Variants in CENPT observed in about 807,000 individuals in gnomAD.
The protein encoded by CENPT is interphase centromere complex protein 22.
Under a neutral mutation model 59.7 loss-of-function variants are expected in CENPT, and 42 were observed. The observed-to-expected ratio is 0.70, with a 90% CI of 0.55 to 0.91. The LOEUF is 0.91. CENPT is among the 40% of genes least tolerant of loss of function. CENPT has a pLI of 0.00. For missense variants in CENPT, 716 were observed against 713.4 expected, an observed-to-expected ratio of 1.00 and a Z score of -0.04; for synonymous variants, 295 against 289.6, an observed-to-expected ratio of 1.02 and a Z score of -0.19.
intron 1 of CENPT, 127 bp downstream of exon 1, chr16:67,847,274 C>G (rs1252147025): frequency 6.6e-6 from 1 of 152,234 alleles, no homozygotes; most frequent in Non-Finnish European, 1.5e-5. Context: ...GCCTTTTTCT[C>G]TAGTCAGGAC....
intron 3 of CENPT, among the ~76,000 whole-genome samples, chr16:67,834,945 G>A (rs552976574): frequency 2.0e-5 from 3 of 152,190 alleles, no homozygotes; most frequent in East Asian, 3.9e-4. Context: ...GGGTTCAAGC[G>A]ATTCTCCTGC....
rs61747726 is a variant in CENPT, at chr16:67,842,683, C to G, written c.-492+4718G>C. 25 of 1,583,376 alleles carry G rather than the reference C, an allele frequency of 1.6e-5. No individual in the cohort carries two copies. In the African/African-American group the frequency reaches 2.8e-4, roughly 18 times the overall value. On this transcript the variant is annotated intron_variant, in intron 1 of 15. Transcript: ENST00000562787. The surrounding 1 kb of genome is among the most constrained non-coding windows in gnomAD (Gnocchi z 4.9). ...TCTGGCTCAAGAACGTGTCGCGTGC[C>G]GGCGTCAGTGGGTGCTTCTCCACCT... is the stretch of plus-strand genomic sequence containing the variant.
At chr16:67,840,067 A>C (rs2057752149) in intron 1 of CENPT, among the ~76,000 whole-genome samples, 1 of 152,228 alleles carries the variant, frequency 6.6e-6, no homozygotes, top group Non-Finnish European at 1.5e-5. Context: ...CTGTAATCCC[A>C]GCACTTTGGG....
At chr16:67,845,622 C>G (rs1356183455) in intron 1 of CENPT, among the ~76,000 whole-genome samples, 1 of 152,230 alleles carries the variant, frequency 6.6e-6, no homozygotes, top group East Asian at 1.9e-4. Context: ...GGGACTTCTG[C>G]TGTTTCTGCA....
chr16:67,844,758 T>C (rs1287675430), intron 1 of CENPT, among the ~76,000 whole-genome samples: 4 of 151,780 alleles, frequency 2.6e-5, no homozygotes, highest in Admixed American at 2.0e-4. Context: ...ATTCCTTGAC[T>C]CATTTTCTTG....
In CENPT at chr16:67,836,128, C is replaced by T. The variant is rs143760196; in HGVS notation, c.-491-470G>A. ...GGGATGGAGTGCAGTGGCACAATCTCAGCTCACTGCAACCTCTGCCTCCCG... is the reference window on the plus strand; with the variant it reads ...GGGATGGAGTGCAGTGGCACAATCTTAGCTCACTGCAACCTCTGCCTCCCG... On this transcript the variant is annotated intron_variant, in intron 1 of 15. Transcript: ENST00000562787. Among the ~76,000 whole-genome samples, 834 of 152,028 alleles carry T rather than the reference C, an allele frequency of 5.5e-3. 8 individuals are homozygous for T. Among genetic ancestry groups the T allele is most frequent in the South Asian group, 0.014 (66 of 4,824 alleles).
At chr16:67,830,799 C>G in intron 10 of CENPT, 1 of 543,858 alleles carries the variant, frequency 1.8e-6, no homozygotes, top group Non-Finnish European at 3.2e-6. Context: ...TATAGCTGCC[C>G]GCCCACCAGC....
In CENPT at chr16:67,843,718, T is replaced by C. The variant is rs2057780345; in HGVS notation, c.-492+3683A>G. On this transcript the variant is annotated intron_variant, in intron 1 of 15. Coordinates refer to ENST00000562787, the MANE Select transcript of CENPT (RefSeq NM_025082.4). This position sits in a 1 kb window ranked among gnomAD's most constrained non-coding sequence, Gnocchi z 5.7. ...CCTGGTGACACCAGCAATTATGACT[T>C]TGTCTACCCTTCCTCCCCAGTTATT... The C allele has an allele frequency of 1.9e-6, 1 of 513,762 alleles. No homozygotes were observed. Among genetic ancestry groups the C allele is most frequent in the East Asian group, 3.3e-5 (1 of 30,680 alleles). 31.8% of individuals were successfully genotyped at this position (513,762 alleles called of 1,614,324 possible).
chr16:67,841,039 ATATATATT>A (rs1194628413), intron 1 of CENPT, among the ~76,000 whole-genome samples: 4 of 90,534 alleles, frequency 4.4e-5, no homozygotes, highest in African/African-American at 1.3e-4. Context: ...ATATATATAT[ATATATATT>A]AGCCGGGCAT....
chr16:67,841,665 A>C (rs1427489202), intron 1 of CENPT: 2 of 152,280 alleles, frequency 1.3e-5, no homozygotes, highest in Admixed American at 6.5e-5. Context: ...AGAGGAGCCC[A>C]GTCGGTCTGA....
rs1454383078 is a variant in CENPT, at chr16:67,831,578, G to A, written c.558C>T (p.Thr186=). The A allele has an allele frequency of 6.2e-7, 1 of 1,614,128 alleles. No individual in the cohort carries two copies. Among genetic ancestry groups the A allele is most frequent in the Non-Finnish European group, 8.5e-7 (1 of 1,179,994 alleles). The part of the protein sequence containing the change: ...PQGNADASSL[T]RSLNLTFATP... ...ACAGGAAACACCCAGAGCAGCACCT[G>A]GTGAGGGAAGAGGCATCAGCATTCC... is the stretch of plus-strand genomic sequence containing the variant. Residue 186 remains threonine, a splice_region_variant and synonymous_variant, in exon 9 of 16, where the codon ACC becomes ACT. Transcript: ENST00000562787.
At position 67,833,926 on chromosome 16, in the gene CENPT, T is replaced by C. The variant is rs2151286427; in HGVS notation, c.-67A>G. ...GGCTCCGCCTTCCCGCCGCCACAGT[T>C]AATGTAACTCTCGCGATGCTCCCGC... On this transcript the variant is annotated 5_prime_UTR_variant, in exon 4 of 16. Transcript: ENST00000562787. The C allele has an allele frequency of 5.7e-6, 6 of 1,056,258 alleles. No homozygotes were observed. The highest frequency in any genetic ancestry group is 6.5e-6 in the Non-Finnish European group (5 of 766,596). The allele number at this position is 1,056,258 out of a possible 1,614,324, so 65.4% of individuals were successfully genotyped here.
chr16:67,843,840 GA>G lies in CENPT; in HGVS notation c.-492+3560del. ...GGATGTCCAGGGACTATAGGTTTGGGAAAACCATACCTTAAGGTTGGTCAGC... is the reference window on the plus strand; with the variant it reads ...GGATGTCCAGGGACTATAGGTTTGGGAAACCATACCTTAAGGTTGGTCAGC... On this transcript the variant is annotated intron_variant, in intron 1 of 15. Transcript: ENST00000562787. This position sits in a 1 kb window ranked among gnomAD's most constrained non-coding sequence, Gnocchi z 5.7. The G allele has an allele frequency of 3.8e-6, 1 of 260,410 alleles. No individual in the cohort carries two copies. Among genetic ancestry groups the G allele is most frequent in the South Asian group, 7.7e-5 (1 of 13,026 alleles). The allele number at this position is 260,410 out of a possible 1,614,324, so 16.1% of individuals were successfully genotyped here. A position where few individuals can be genotyped will look rare whatever the true frequency, so the allele number is the denominator to read the frequency against.
chr16:67,845,728 G>A (rs2057793452), intron 1 of CENPT, among the ~76,000 whole-genome samples: 1 of 152,256 alleles, frequency 6.6e-6, no homozygotes, highest in South Asian at 2.1e-4. Context: ...GAAGAAGACA[G>A]TTCACAGAGC....
Position 67,833,776 on chromosome 16 carries a change from C to T in CENPT, c.84G>A (p.Pro28=). Residue 28 remains proline (P), a synonymous_variant, in exon 4 of 16, where the codon CCG becomes CCA. Coordinates refer to ENST00000562787, the MANE Select transcript of CENPT (RefSeq NM_025082.4). ...CAGCCCGAGCACTCCGGGGTCGCCG[C>T]GGGGTGCGCGGGTCCGCTGTATCCA... is the stretch of plus-strand genomic sequence containing the variant. ...RVLDTADPRT[P]RRPRSARAGA... 3 of 1,560,876 alleles carry T rather than the reference C, an allele frequency of 1.9e-6. No homozygotes were observed. The highest frequency in any genetic ancestry group is 2.6e-6 in the Non-Finnish European group (3 of 1,156,238).
Position 67,842,932 on chromosome 16 carries a change from G to GCAGCAGCAGCAGCAA in CENPT, c.-492+4468_-492+4469insTTGCTGCTGCTGCTG, listed in dbSNP as rs762901254. On this transcript the variant is annotated intron_variant, in intron 1 of 15. Coordinates refer to ENST00000562787, the MANE Select transcript of CENPT (RefSeq NM_025082.4). This position sits in a 1 kb window ranked among gnomAD's most constrained non-coding sequence, Gnocchi z 4.9. ...AGCAGCAGCAGCAACAGCAGCAGCA[G>GCAGCAGCAGCAGCAA]CAGCAGCAGCAGCAGCAGTCCTCAC... The GCAGCAGCAGCAGCAA allele has an allele frequency of 1.6e-5, 26 of 1,603,904 alleles. No homozygotes were observed. Among genetic ancestry groups the GCAGCAGCAGCAGCAA allele is most frequent in the East Asian group, 2.2e-5 (1 of 44,658 alleles).
In CENPT at chr16:67,843,090, C is replaced by T. The variant is rs1239022325; in HGVS notation, c.-492+4311G>A. The T allele has an allele frequency of 5.0e-6, 8 of 1,611,166 alleles. No individual in the cohort carries two copies. Among genetic ancestry groups the T allele is most frequent in the African/African-American group, 1.3e-5 (1 of 74,922 alleles). ...GGATCCGTACAGCCGGCGCCCATCA[C>T]TCCCACTGGAGAAGACGTGAAGCCC... On this transcript the variant is annotated intron_variant, in intron 1 of 15. Transcript: ENST00000562787. The surrounding 1 kb of genome is among the most constrained non-coding windows in gnomAD (Gnocchi z 5.7).
intron 9 of CENPT, 52 bp downstream of exon 9, chr16:67,831,524 C>G (rs1041135051): frequency 1.9e-6 from 3 of 1,606,514 alleles, no homozygotes; most frequent in Non-Finnish European, 2.6e-6. Flanking sequence ...CACCTCCCTC[C>G]CCAAGTCTCT....
intron 10 of CENPT, chr16:67,830,915 G>A (rs943393105): frequency 3.8e-6 from 2 of 521,948 alleles, no homozygotes; most frequent in African/African-American, 3.8e-5. Context: ...AGGTCAGTTT[G>A]AATTGGCCAG....
Sources: gnomAD v4.1 joint callset for allele counts (sites outside exome capture counted in the v4.1 genomes callset) on GRCh38, gnomAD v4.1.1 for gene constraint, Gnocchi (gnomAD v3.1) non-coding constraint, MANE v1.5 for transcripts, NCBI Gene and HGNC (gene_info 2026-07-23, HGNC 2026-07-21) for gene names.